Variants in VPS41 observed in about 807,000 individuals in gnomAD.
VPS41 encodes the protein vacuolar protein sorting-associated protein 41 homolog.
Under a neutral mutation model 130.9 loss-of-function variants are expected in VPS41, and 85 were observed. That is an observed-to-expected ratio of 0.65 (90% CI 0.55 to 0.78). The LOEUF is 0.78. Ranked by LOEUF, VPS41 falls within the 30% of genes least tolerant of loss-of-function variation. The pLI is 0.00. For missense variants in VPS41, 874 were observed against 1,018.7 expected (o/e 0.86, Z 1.93); for synonymous variants, 335 against 332.9 (o/e 1.01, Z -0.07).
rs573267963 is a variant in VPS41 at position 38,896,966 on chromosome 7, G to A, written c.60+1125C>T. Among the ~76,000 whole-genome samples the A allele has an allele frequency of 2.6e-5, 4 of 152,310 alleles. No homozygotes were observed. The East Asian group carries it at 7.7e-4, about 29-fold the overall frequency. The stretch of plus-strand genomic sequence containing the variant: ...CCCAGCACTTTGGGAGGCCAAGGCA[G>A]GCGGATCACCTGAGGTCAAGAGTTT... On this transcript the variant is annotated intron_variant, in intron 2 of 28. Coordinates refer to ENST00000310301, the MANE Select transcript of VPS41 (RefSeq NM_014396.4).
chr7:38,899,060 C>T (rs1787083700), intron 1 of VPS41, among the ~76,000 whole-genome samples: 1 of 152,148 alleles, frequency 6.6e-6, no homozygotes, highest in African/African-American at 2.4e-5. Context: ...ACAAGTTGGA[C>T]AGCGGGATAA....
At chr7:38,821,743 A>G (rs1785177366) in intron 5 of VPS41, among the ~76,000 whole-genome samples, 1 of 151,940 alleles carries the variant, frequency 6.6e-6, no homozygotes, top group African/African-American at 2.4e-5. Flanking sequence ...AGAAAAAAGA[A>G]AAAAGAAAAT....
intron 2 of VPS41, among the ~76,000 whole-genome samples, chr7:38,873,211 T>A (rs1478453168): frequency 6.6e-6 from 1 of 152,182 alleles, no homozygotes; most frequent in Non-Finnish European, 1.5e-5. Context: ...AGGCATTTGA[T>A]GTATCATTTC....
intron 12 of VPS41, among the ~76,000 whole-genome samples, chr7:38,773,667 G>C (rs1441949263): frequency 2.6e-5 from 4 of 152,118 alleles, no homozygotes; most frequent in Non-Finnish European, 4.4e-5. Context: ...AATATTCACT[G>C]AACACCTAAA....
At chr7:38,881,524 G>GAAT (rs1249425069) in intron 2 of VPS41, among the ~76,000 whole-genome samples, 1 of 152,114 alleles carries the variant, frequency 6.6e-6, no homozygotes, top group African/African-American at 2.4e-5. Context: ...CTGTTACAGA[G>GAAT]AATAATATAA....
chr7:38,818,249 CA>C (rs11421525), intron 6 of VPS41, among the ~76,000 whole-genome samples: 2,961 of 130,296 alleles, frequency 0.023, 103 homozygotes, highest in African/African-American at 0.077. Context: ...GAAAACAAAA[CA>C]AAAAAAAAAA....
chr7:38,746,868 A>G lies in VPS41; in HGVS notation c.1927-1255T>C, dbSNP rs183907706. Among the ~76,000 whole-genome samples, 682 of 152,180 alleles carry G rather than the reference A, an allele frequency of 4.5e-3. 4 individuals are homozygous for G. The highest frequency in any genetic ancestry group is 0.016 in the African/African-American group (657 of 41,514). On this transcript the variant is annotated intron_variant, in intron 22 of 28. Coordinates refer to ENST00000310301, the MANE Select transcript of VPS41 (RefSeq NM_014396.4). ...CCTTACCCTGACTCTCCACTATTGG[A>G]TGGCACTACCTTACGTCATGAGGTC...
At chr7:38,728,910 C>G in intron 25 of VPS41, 119 bp from the exon 26 acceptor site, 1 of 863,944 alleles carries the variant, frequency 1.2e-6, no homozygotes. Context: ...AAGGGGCACT[C>G]ACTGATTCTC....
intron 2 of VPS41, among the ~76,000 whole-genome samples, chr7:38,870,739 C>CAAAAAAAAAAAAAAAAAAAAAAAAAACAA (rs70977434): frequency 3.4e-5 from 1 of 29,734 alleles, no homozygotes; most frequent in Non-Finnish European, 6.9e-5. Flanking sequence ...ACTATATGTT[C>CAAAAAAAAAAAAAAAAAAAAAAAAAACAA]AAAAAAAAAA....
At chr7:38,791,449 T>C (rs536797376) in intron 9 of VPS41, among the ~76,000 whole-genome samples, 3 of 152,268 alleles carry the variant, frequency 2.0e-5, no homozygotes, top group African/African-American at 4.8e-5. Flanking sequence ...CTTTGTGAAA[T>C]AGATATCATT....
intron 18 of VPS41, among the ~76,000 whole-genome samples, chr7:38,757,338 C>G (rs1783817211): frequency 6.6e-6 from 1 of 152,112 alleles, no homozygotes; most frequent in Non-Finnish European, 1.5e-5. Context: ...AACATCCGTT[C>G]CAATTCTTAC....
At chr7:38,728,886 C>T in intron 25 of VPS41, 95 bp from the exon 26 acceptor site, 1 of 1,080,754 alleles carries the variant, frequency 9.3e-7, no homozygotes, top group Non-Finnish European at 1.4e-6. Context: ...AGCTGGCATG[C>T]TTGAAATACT....
At position 38,754,783 on chromosome 7, in the gene VPS41, G is replaced by A. The variant is rs1193418461; in HGVS notation, c.1738-31C>T. The stretch of plus-strand genomic sequence containing the variant: ...TAAAAAAGAAAAGTTTCAAGGTGGA[G>A]TCATGAGGACAGAAAGACAGCTACA... On this transcript the variant is annotated intron_variant, in intron 20 of 28. Coordinates refer to ENST00000310301, the MANE Select transcript of VPS41 (RefSeq NM_014396.4). 2.5e-6 allele frequency: 4 copies of A among 1,603,500 alleles called. No homozygotes were observed. The Admixed American group carries it at 6.7e-5, about 27-fold the overall frequency.
intron 1 of VPS41, among the ~76,000 whole-genome samples, chr7:38,907,911 T>G (rs1260854896): frequency 1.3e-5 from 2 of 152,208 alleles, no homozygotes; most frequent in Non-Finnish European, 2.9e-5. Flanking sequence ...AAATGATATG[T>G]TCTTAATGAG....
chr7:38,847,708 T>C lies in VPS41; in HGVS notation c.246+14837A>G, dbSNP rs186966444. On this transcript the variant is annotated intron_variant, in intron 4 of 28. Transcript: ENST00000310301. Reference sequence around the variant, plus strand: ...TCTCAGCAGGGCCCATAAATATCCCTGTTTAAGTTCTCAATATACAAGTAA... The same window carrying C: ...TCTCAGCAGGGCCCATAAATATCCCCGTTTAAGTTCTCAATATACAAGTAA... Among the ~76,000 whole-genome samples, 34 of 152,342 alleles carry C rather than the reference T, an allele frequency of 2.2e-4. 1 individual carries two copies. In the East Asian group the frequency reaches 4.2e-3, roughly 19 times the overall value.
chr7:38,862,833 A>G (rs75571506), intron 3 of VPS41, among the ~76,000 whole-genome samples: 2,854 of 152,336 alleles, frequency 0.019, 94 homozygotes, highest in African/African-American at 0.065. Context: ...GCCAGCTGTC[A>G]GAATGACTCA....
At chr7:38,855,029 T>C (rs928580809) in intron 4 of VPS41, among the ~76,000 whole-genome samples, 1 of 151,816 alleles carries the variant, frequency 6.6e-6, no homozygotes, top group Non-Finnish European at 1.5e-5. Context: ...GCCAACATGA[T>C]GAAACCCTGT....
At chr7:38,740,931 G>A (rs73123893) in intron 25 of VPS41, among the ~76,000 whole-genome samples, 9,604 of 152,228 alleles carry the variant, frequency 0.063, 326 homozygotes, top group Middle Eastern at 0.082. Context: ...TATACACCAT[G>A]ACTCCGCTTC....
intron 4 of VPS41, among the ~76,000 whole-genome samples, chr7:38,851,790 G>C (rs1785860905): frequency 6.6e-6 from 1 of 152,146 alleles, no homozygotes; most frequent in South Asian, 2.1e-4. Flanking sequence ...GAGAGTTCTA[G>C]TTCCTCCACA....
Sources: allele counts gnomAD v4.1 joint callset (sites outside exome capture counted in the v4.1 genomes callset), GRCh38; gene constraint gnomAD v4.1.1; transcripts MANE v1.5; gene names NCBI Gene and HGNC (gene_info 2026-07-23, HGNC 2026-07-21).